The following MRC2 variants were observed in gnomAD, a reference collection of about 807,000 sequenced individuals.
MRC2 encodes C-type mannose receptor 2.
Under a neutral mutation model 206.2 loss-of-function variants are expected in MRC2, and 84 were observed. That is an observed-to-expected ratio of 0.41 (90% CI 0.34 to 0.49). The LOEUF (loss-of-function observed/expected upper bound fraction) is 0.49, where lower values mean the gene tolerates loss of function less well. MRC2 is among the 20% of genes least tolerant of loss of function. MRC2 has a pLI of 0.31. For missense variants in MRC2, 1,676 were observed against 2,001.5 expected (o/e 0.84, Z 3.10); for synonymous variants, 798 against 800.0 (o/e 1.00, Z 0.04).
At chr17:62,658,821 A>G (rs1464858701) in intron 1 of MRC2, among the ~76,000 whole-genome samples, 2 of 152,066 alleles carry the variant, frequency 1.3e-5, no homozygotes, top group Non-Finnish European at 2.9e-5. Context: ...TTCTGTTACT[A>G]CTGCCTGGAG....
chr17:62,680,011 A>G lies in MRC2; in HGVS notation c.2298+109A>G, dbSNP rs1356200916. 6.8e-7 allele frequency: 1 copy of G among 1,464,830 alleles called. No individual in the cohort carries two copies. The allele number at this position is 1,464,830 out of a possible 1,614,324, so 90.7% of individuals were successfully genotyped here. A position where few individuals can be genotyped will look rare whatever the true frequency, so the allele number is the denominator to read the frequency against. On this transcript the variant is annotated intron_variant, in intron 14 of 29. Transcript: ENST00000303375. The surrounding 1 kb of genome is among the most constrained non-coding windows in gnomAD (Gnocchi z 4.8). The stretch of plus-strand genomic sequence containing the variant: ...GGGTTTTCTTGAGGGCCGGGCCCCC[A>G]GTCGGAGCCGGCTTCAGGAAAGCAG...
intron 20 of MRC2, among the ~76,000 whole-genome samples, chr17:62,683,588 G>C (rs765701855): frequency 2.1e-4 from 32 of 149,064 alleles, no homozygotes; most frequent in Non-Finnish European, 4.0e-4. Context: ...AATTGGCTGG[G>C]AGAGGTGGCT....
intron 1 of MRC2, among the ~76,000 whole-genome samples, chr17:62,645,524 T>C (rs1197861310): frequency 8.4e-5 from 3 of 35,606 alleles, no homozygotes; most frequent in African/African-American, 3.3e-4. Context: ...TATATATATA[T>C]ATATTTTTTT....
chr17:62,690,083 G>A, intron 25 of MRC2, 21 bp downstream of exon 25: 1 of 1,584,654 alleles, frequency 6.3e-7, no homozygotes, highest in Non-Finnish European at 8.6e-7. Flanking sequence ...ACCTGCCAGG[G>A]CGGGGGCATG....
intron 1 of MRC2, among the ~76,000 whole-genome samples, chr17:62,630,567 G>A (rs1411995744): frequency 6.6e-6 from 1 of 152,174 alleles, no homozygotes; most frequent in East Asian, 1.9e-4. Context: ...AGTGAAAGAG[G>A]TGCCTGGGAG....
chr17:62,670,620 C>G (rs1397575078), intron 6 of MRC2, among the ~76,000 whole-genome samples: 1 of 152,230 alleles, frequency 6.6e-6, no homozygotes, highest in East Asian at 1.9e-4. Context: ...CCCTCGGATC[C>G]CAACCCCTAG....
intron 1 of MRC2, among the ~76,000 whole-genome samples, chr17:62,647,915 G>T (rs1216478165): frequency 3.3e-5 from 5 of 152,184 alleles, no homozygotes; most frequent in African/African-American, 7.2e-5. Flanking sequence ...CGAGGTACCT[G>T]CTCAGTGGTA....
At chr17:62,687,390 C>G (rs1379292380) in intron 20 of MRC2, among the ~76,000 whole-genome samples, 1 of 152,322 alleles carries the variant, frequency 6.6e-6, no homozygotes, top group Middle Eastern at 3.4e-3. Flanking sequence ...GAACTCCAGA[C>G]CTCAGGTGAT....
At chr17:62,682,856 A>G (rs55997322) in intron 20 of MRC2, among the ~76,000 whole-genome samples, 158 of 151,958 alleles carry the variant, frequency 1.0e-3, no homozygotes, top group Non-Finnish European at 1.9e-3. Context: ...TGGCCAGGCT[A>G]GTCTCGAACC....
intron 1 of MRC2, among the ~76,000 whole-genome samples, chr17:62,630,525 G>T (rs955187082): frequency 6.6e-6 from 1 of 152,182 alleles, no homozygotes; most frequent in African/African-American, 2.4e-5. Flanking sequence ...GGATGATGTG[G>T]AAGCTTGCTG....
Position 62,682,379 on chromosome 17 carries a change from TAGG to T in MRC2, c.2946+6_2946+8del. 6.2e-7 allele frequency: 1 copy of T among 1,602,832 alleles called. No individual in the cohort carries two copies. The highest frequency in any genetic ancestry group is 8.5e-7 in the Non-Finnish European group (1 of 1,175,402). On this transcript the variant is annotated splice_donor_5th_base_variant and intron_variant, in intron 20 of 29. Transcript: ENST00000303375. ...GACTGGATCCAGTTCCTCAACAAGG[TAGG>T]AGGTGGCAATGGGGCACCCAAGGGA...
At chr17:62,640,017 C>CT (rs56703312) in intron 1 of MRC2, among the ~76,000 whole-genome samples, 30,890 of 74,508 alleles carry the variant, frequency 0.41, 6,410 homozygotes, top group East Asian at 0.49. Context: ...CCATGCCCAG[C>CT]TTTTTTTTTT....
chr17:62,658,678 G>T (rs1475999036), intron 1 of MRC2, among the ~76,000 whole-genome samples: 2 of 152,212 alleles, frequency 1.3e-5, no homozygotes, highest in African/African-American at 4.8e-5. Flanking sequence ...GTCCTCTTGG[G>T]CTATTGTGGG....
chr17:62,672,790 G>A lies in MRC2; in HGVS notation c.1461+638G>A, dbSNP rs1420336027. On this transcript the variant is annotated intron_variant, in intron 8 of 29. Transcript: ENST00000303375. The surrounding 1 kb of genome is among the most constrained non-coding windows in gnomAD (Gnocchi z 4.5). ...GCGGATCACTTGAGGTGAGGAGTTC[G>A]AGACCAGCCTGGCCAACATGGTGAA... 1.3e-5 allele frequency among the ~76,000 whole-genome samples: 2 copies of A among 152,070 alleles called. No individual in the cohort carries two copies. Among genetic ancestry groups the A allele is most frequent in the African/African-American group, 2.4e-5 (1 of 41,420 alleles).
chr17:62,669,439 C>A (rs542676046), intron 6 of MRC2, among the ~76,000 whole-genome samples: 1 of 152,250 alleles, frequency 6.6e-6, no homozygotes, highest in Admixed American at 6.5e-5. Flanking sequence ...TGGTCTTGAA[C>A]TCCTGACCTC....
In MRC2 at chr17:62,634,978, G is replaced by A. The variant is rs955547207; in HGVS notation, c.118+7058G>A. ...CCCAAGTAGCTGGGACTACAGGCAC[G>A]TGCCACCACGCCCAGCTAATTTTTG... On this transcript the variant is annotated intron_variant, in intron 1 of 29. Transcript: ENST00000303375. Among the ~76,000 whole-genome samples, 50 of 151,800 alleles carry A rather than the reference G, an allele frequency of 3.3e-4. 1 individual carries two copies. Among genetic ancestry groups the A allele is most frequent in the Non-Finnish European group, 7.4e-5 (5 of 67,952 alleles).
At position 62,673,007 on chromosome 17, in the gene MRC2, A is replaced by T. The variant is rs143586932; in HGVS notation, c.1461+855A>T. Among the ~76,000 whole-genome samples, 251 of 151,484 alleles carry T rather than the reference A, an allele frequency of 1.7e-3. 1 individual carries two copies. The highest frequency in any genetic ancestry group is 5.8e-3 in the African/African-American group (237 of 40,916). ...ACCCTGTCTCAAAAAAAAAAAAATA[A>T]AATAAAAAGGAGAAAGCCGTAGGGA... On this transcript the variant is annotated intron_variant, in intron 8 of 29. Transcript: ENST00000303375.
At chr17:62,638,289 C>A (rs1335312084) in intron 1 of MRC2, among the ~76,000 whole-genome samples, 1 of 151,602 alleles carries the variant, frequency 6.6e-6, no homozygotes, top group Non-Finnish European at 1.5e-5. Flanking sequence ...ATGCCACGGT[C>A]ATGAAAAACA....
Position 62,667,259 on chromosome 17 carries a change from A to G in MRC2, c.974-131A>G, listed in dbSNP as rs936968223. 9.0e-6 allele frequency: 11 copies of G among 1,220,546 alleles called. No individual in the cohort carries two copies. The highest frequency in any genetic ancestry group is 1.2e-5 in the Non-Finnish European group (11 of 897,074). 75.6% of individuals were successfully genotyped at this position (1,220,546 alleles called of 1,614,324 possible). A position where few individuals can be genotyped will look rare whatever the true frequency, so the allele number is the denominator to read the frequency against. ...GTGGTCTGGGGCGGAGCTGGAGCTG[A>G]GCACCAGGCTTCCCGAACTGGCTCA... On this transcript the variant is annotated intron_variant, in intron 5 of 29. Transcript: ENST00000303375. The surrounding 1 kb of genome is among the most constrained non-coding windows in gnomAD (Gnocchi z 4.1).
Sources: allele counts gnomAD v4.1 joint callset (sites outside exome capture counted in the v4.1 genomes callset), GRCh38; gene constraint gnomAD v4.1.1; non-coding constraint Gnocchi (gnomAD v3.1); transcripts MANE v1.5; gene names NCBI Gene and HGNC (gene_info 2026-07-23, HGNC 2026-07-21).